Variants in PPP4R1 observed in about 807,000 individuals in gnomAD.
PPP4R1 encodes the protein protein phosphatase 4 regulatory subunit 1.
In PPP4R1, 42 loss-of-function variants were observed where a neutral mutation model predicts 111.2. That is an observed-to-expected ratio of 0.38 (90% confidence interval 0.29 to 0.49). The LOEUF (loss-of-function observed/expected upper bound fraction) is 0.49. PPP4R1 is among the 20% of genes least tolerant of loss of function. The pLI, the probability that PPP4R1 is intolerant of heterozygous loss-of-function variation, is 0.97. For synonymous variants in PPP4R1, 409 were observed against 405.5 expected, an observed-to-expected ratio of 1.01 and a Z score of -0.10; for missense variants, 1,012 against 1,161.6, an observed-to-expected ratio of 0.87 and a Z score of 1.87.
At chr18:9,569,571 T>C (rs912405352) in intron 11 of PPP4R1, among the ~76,000 whole-genome samples, 2 of 152,158 alleles carry the variant, frequency 1.3e-5, no homozygotes, top group Non-Finnish European at 2.9e-5. Context: ...AGAGAGTGAT[T>C]TGTCAATCAA....
At chr18:9,565,615 G>C (rs575159873) in intron 11 of PPP4R1, among the ~76,000 whole-genome samples, 43 of 152,348 alleles carry the variant, frequency 2.8e-4, no homozygotes, top group Admixed American at 7.8e-4. Flanking sequence ...CTGATATGCA[G>C]AAAGTTTGAG....
In PPP4R1 at chr18:9,577,125, C is replaced by G; in HGVS notation, c.985G>C (p.Gly329Arg). 1 of 1,605,996 alleles carries G rather than the reference C, an allele frequency of 6.2e-7. No homozygotes were observed. Among genetic ancestry groups the G allele is most frequent in the African/African-American group, 1.3e-5 (1 of 74,624 alleles). The change falls in exon 10 of 20, where the codon GGC becomes CGC. Residue 329 changes from glycine to arginine, a missense_variant. By Grantham distance (125) the Gly-to-Arg change is moderately radical. Around this residue, in one of 2 missense-constraint regions of PPP4R1, gnomAD observed 707 missense variants for 742.1 expected, o/e 0.95. Coordinates refer to ENST00000400556, the MANE Select transcript of PPP4R1 (RefSeq NM_001042388.3). ...TTGCTTTCTTCTTTAAAATACTGGC[C>G]TGAGCTAGATGGATTAGCAAAAGTA... ...ISTFANPSSS[G>R]QYFKEESKSS...
At chr18:9,609,644 G>A (rs1357623043) in intron 2 of PPP4R1, among the ~76,000 whole-genome samples, 2 of 152,204 alleles carry the variant, frequency 1.3e-5, no homozygotes, top group Non-Finnish European at 2.9e-5. Flanking sequence ...CTTAGTTACA[G>A]CTGAGATAAA....
rs187141648 is a variant in PPP4R1 at position 9,584,701 on chromosome 18, A to G, written c.693+20T>C. 1.6e-4 allele frequency: 256 copies of G among 1,611,812 alleles called. No individual in the cohort carries two copies. The African/African-American group carries it at 3.0e-3, about 19-fold the overall frequency. On this transcript the variant is annotated intron_variant, in intron 7 of 19. Coordinates refer to ENST00000400556, the MANE Select transcript of PPP4R1 (RefSeq NM_001042388.3). The stretch of plus-strand genomic sequence containing the variant: ...AGAACTATGTTCTTAAACAGCAGAA[A>G]AAAAACGACAAAAAAATACCTTTCG...
intron 2 of PPP4R1, among the ~76,000 whole-genome samples, chr18:9,612,867 C>G (rs1384048365): frequency 1.3e-5 from 2 of 152,174 alleles, no homozygotes; most frequent in African/African-American, 4.8e-5. Context: ...AAAACACAGA[C>G]TTAGCAAAAG....
At chr18:9,548,743 C>T (rs1183769525) in intron 19 of PPP4R1, among the ~76,000 whole-genome samples, 1 of 152,032 alleles carries the variant, frequency 6.6e-6, no homozygotes, top group Non-Finnish European at 1.5e-5. Flanking sequence ...ATGGTGAAAC[C>T]CCATCTCTAC....
chr18:9,612,260 C>A (rs1383444780), intron 2 of PPP4R1, among the ~76,000 whole-genome samples: 1 of 152,276 alleles, frequency 6.6e-6, no homozygotes, highest in Admixed American at 6.5e-5. Flanking sequence ...TGCCTACTTA[C>A]AAATGACAAA....
At chr18:9,585,642 A>T (rs2067103223) in intron 6 of PPP4R1, among the ~76,000 whole-genome samples, 1 of 152,190 alleles carries the variant, frequency 6.6e-6, no homozygotes, top group African/African-American at 2.4e-5. Context: ...ACAGAAAATC[A>T]GAAGGAATCT....
Position 9,588,744 on chromosome 18 carries a change from A to G in PPP4R1, c.405T>C (p.Ile135=). The G allele has an allele frequency of 6.2e-7, 1 of 1,613,176 alleles. No homozygotes were observed. Residue 135 remains isoleucine (I), a synonymous_variant, in exon 5 of 20, where the codon ATT becomes ATC. Transcript: ENST00000400556. ...TCTGATCTGCAAGGTATCTAACCAC[A>G]ATAGGTAGTAAGAATTTTGAAAAAG... ...PYAFSKFLLP[I]VVRYLADQNN...
intron 8 of PPP4R1, 70 bp downstream of exon 8, chr18:9,584,445 T>C (rs2067082049): frequency 1.5e-6 from 2 of 1,320,312 alleles, no homozygotes; most frequent in Admixed American, 2.4e-5. Context: ...GGAGTAAATG[T>C]GTGCATTTCA....
upstream of PPP4R1, chr18:9,617,100 GCAAT>G (rs964932064): frequency 3.3e-5 from 5 of 152,224 alleles, no homozygotes; most frequent in African/African-American, 1.2e-4. Context: ...ACAAATAATA[GCAAT>G]CATTATTCTA....
At chr18:9,616,229 G>T (rs1025509908), upstream of PPP4R1, among the ~76,000 whole-genome samples, 1 of 150,790 alleles carries the variant, frequency 6.6e-6, no homozygotes, top group Non-Finnish European at 1.5e-5. Context: ...GGGTAAATGG[G>T]GGAAGAAAGA....
chr18:9,588,839 C>T lies in PPP4R1; in HGVS notation c.310G>A (p.Ala104Thr), dbSNP rs765129772. 1 of 1,613,518 alleles carries T rather than the reference C, an allele frequency of 6.2e-7. No homozygotes were observed. Among genetic ancestry groups the T allele is most frequent in the Non-Finnish European group, 8.5e-7 (1 of 1,179,786 alleles). ...TGAGGCACCTGTTCCATCAGCTCCG[C>T]TCTCACAGTTGGTTCTATTGAAATA... ...LADDSEPTVRAELMEQVPHIA... is the reference protein window; with the variant it reads ...LADDSEPTVRTELMEQVPHIA... Residue 104 changes from alanine to threonine, a missense_variant, in exon 5 of 20, where the codon GCG becomes ACG. Ala to Thr is a moderately conservative substitution (Grantham distance 58). This residue lies in a region of PPP4R1 where 707 missense variants were observed against 742.1 expected (regional missense o/e 0.95). Transcript: ENST00000400556.
intron 8 of PPP4R1, 28 bp from the exon 9 acceptor site, chr18:9,583,303 GT>G: frequency 6.7e-7 from 1 of 1,497,660 alleles, no homozygotes; most frequent in Non-Finnish European, 9.0e-7. Context: ...AGTCTTGTTA[GT>G]TGGATAAAGA....
intron 2 of PPP4R1, among the ~76,000 whole-genome samples, chr18:9,595,480 CAAA>C (rs1462416076): frequency 1.3e-5 from 2 of 152,042 alleles, no homozygotes; most frequent in Non-Finnish European, 2.9e-5. Flanking sequence ...AATAGGCACA[CAAA>C]AAGTCAAGCA....
At chr18:9,600,779 C>T (rs937774492) in intron 2 of PPP4R1, among the ~76,000 whole-genome samples, 1 of 151,842 alleles carries the variant, frequency 6.6e-6, no homozygotes, top group Non-Finnish European at 1.5e-5. Flanking sequence ...TACTTGGGAG[C>T]CTGAGGTGGG....
At position 9,559,479 on chromosome 18, in the gene PPP4R1, G is replaced by T. The variant is rs774973902; in HGVS notation, c.1968C>A (p.Leu656=). 3.1e-6 allele frequency: 5 copies of T among 1,613,616 alleles called. No homozygotes were observed. The highest frequency in any genetic ancestry group is 4.2e-6 in the Non-Finnish European group (5 of 1,179,754). Residue 656 remains leucine (L), a synonymous_variant, in exon 14 of 20, where the codon CTC becomes CTA. Coordinates refer to ENST00000400556, the MANE Select transcript of PPP4R1 (RefSeq NM_001042388.3). The part of the protein sequence containing the change: ...AYSLPGVALT[L]GRQNWHCLRE... Reference sequence around the variant, plus strand: ...TCAGGCAGTGCCAATTCTGTCTTCCGAGTGTCAAGGCCACACCAGGGAGGC... The same window carrying T: ...TCAGGCAGTGCCAATTCTGTCTTCCTAGTGTCAAGGCCACACCAGGGAGGC...
At chr18:9,585,324 A>C (rs1371266533) in intron 6 of PPP4R1, among the ~76,000 whole-genome samples, 1 of 152,226 alleles carries the variant, frequency 6.6e-6, no homozygotes, top group Non-Finnish European at 1.5e-5. Flanking sequence ...AAGCTCATAC[A>C]TATCAGAACC....
intron 15 of PPP4R1, among the ~76,000 whole-genome samples, chr18:9,555,064 G>T (rs1485443719): frequency 6.6e-6 from 1 of 152,200 alleles, no homozygotes; most frequent in African/African-American, 2.4e-5. Context: ...AACTTTGGGA[G>T]GCTAAGGCGG....
Sources: allele counts gnomAD v4.1 joint callset (sites outside exome capture counted in the v4.1 genomes callset), GRCh38; gene constraint gnomAD v4.1.1; regional missense constraint gnomAD v4.1.1; transcripts MANE v1.5; gene names NCBI Gene and HGNC (gene_info 2026-07-23, HGNC 2026-07-21).